TAF2: variants seen among roughly 807,000 people sequenced by gnomAD.
TAF2 encodes TATA-box binding protein associated factor 2, also known as transcription initiation factor TFIID subunit 2.
In TAF2, 61 loss-of-function variants were observed where a neutral mutation model predicts 138.5. That is an observed-to-expected ratio of 0.44 (90% CI 0.36 to 0.54). TAF2 has a LOEUF of 0.54. Ranked by LOEUF, TAF2 falls within the 20% of genes least tolerant of loss-of-function variation. The pLI is 0.00. For missense variants in TAF2, 1,090 were observed against 1,427.9 expected, an observed-to-expected ratio of 0.76 and a Z score of 3.81; for synonymous variants, 475 against 469.9, an observed-to-expected ratio of 1.01 and a Z score of -0.14.
intron 6 of TAF2, among the ~76,000 whole-genome samples, chr8:119,798,132 T>C (rs1256652856): frequency 1.3e-5 from 2 of 152,122 alleles, no homozygotes; most frequent in Admixed American, 6.5e-5. Context: ...TTTTTTCTCA[T>C]AGGTACACAT....
At chr8:119,773,083 G>C (rs1166369909) in intron 18 of TAF2, among the ~76,000 whole-genome samples, 1 of 127,836 alleles carries the variant, frequency 7.8e-6, no homozygotes, top group Non-Finnish European at 1.6e-5. Flanking sequence ...AAGCAAGCTT[G>C]GATTTTCTCA....
rs1027331982 is a variant in TAF2 at position 119,788,871 on chromosome 8, A to G, written c.1602T>C (p.Ser534=). The G allele has an allele frequency of 6.8e-6, 11 of 1,613,530 alleles. No homozygotes were observed. In the African/African-American group the frequency reaches 1.5e-4, roughly 22 times the overall value. ...CATTTCGTTTTCTATTAAATGCAAA[A>G]CTTCCATAAAATTTTACCACTCCAC... is the stretch of plus-strand genomic sequence containing the variant. ...DQSGVVKFYG[S]FAFNRKRNVL... The change falls in exon 13 of 26, where the codon AGT becomes AGC. Residue 534 remains serine, a synonymous_variant. Transcript: ENST00000378164.
intron 3 of TAF2, among the ~76,000 whole-genome samples, chr8:119,810,528 A>T (rs2131231546): frequency 6.6e-6 from 1 of 152,358 alleles, no homozygotes; most frequent in East Asian, 1.9e-4. Flanking sequence ...GACTAGAGTC[A>T]TATGGTAAAC....
chr8:119,786,981 G>C (rs774903191), intron 14 of TAF2, among the ~76,000 whole-genome samples: 1 of 152,136 alleles, frequency 6.6e-6, no homozygotes, highest in Non-Finnish European at 1.5e-5. Context: ...ATACCATTCA[G>C]GACAGAGGCA....
At chr8:119,746,526 G>A (rs1159187879) in intron 23 of TAF2, among the ~76,000 whole-genome samples, 179 bp downstream of exon 23, 10 of 152,126 alleles carry the variant, frequency 6.6e-5, no homozygotes, top group African/African-American at 2.2e-4. Flanking sequence ...CAGTTTTATA[G>A]TTGCCAGTAG....
intron 10 of TAF2, among the ~76,000 whole-genome samples, chr8:119,792,179 A>C (rs1436812236): frequency 1.4e-5 from 2 of 144,296 alleles, no homozygotes; most frequent in African/African-American, 5.1e-5. Context: ...TTTGAGATAG[A>C]GTCTCGCTCT....
intron 8 of TAF2, 103 bp downstream of exon 8, chr8:119,796,887 T>C: frequency 1.3e-6 from 1 of 797,760 alleles, no homozygotes; most frequent in Non-Finnish European, 2.2e-6. Flanking sequence ...GTCTCTTAAA[T>C]TAGCTATCTG....
chr8:119,740,524 G>T (rs1468699356), intron 25 of TAF2, among the ~76,000 whole-genome samples: 1 of 149,538 alleles, frequency 6.7e-6, no homozygotes, highest in Non-Finnish European at 1.5e-5. Context: ...AATTAGCCGG[G>T]TGTGGTGATG....
At chr8:119,774,681 T>C (rs781188007) in intron 18 of TAF2, among the ~76,000 whole-genome samples, 2 of 152,096 alleles carry the variant, frequency 1.3e-5, no homozygotes, top group Non-Finnish European at 2.9e-5. Flanking sequence ...AATCCCAATC[T>C]TGGATTTCTT....
At chr8:119,832,370 T>A in intron 1 of TAF2, 112 bp downstream of exon 1, 1 of 947,038 alleles carries the variant, frequency 1.1e-6, no homozygotes, top group South Asian at 1.4e-5. Context: ...GTGAGTAAAT[T>A]CTAGTTTCCC....
At chr8:119,829,985 G>A (rs769503452) in intron 2 of TAF2, among the ~76,000 whole-genome samples, 1 of 150,394 alleles carries the variant, frequency 6.6e-6, no homozygotes, top group Non-Finnish European at 1.5e-5. Flanking sequence ...CTGCAAGTTC[G>A]CCTCCCAGGT....
chr8:119,801,896 C>T lies in TAF2; in HGVS notation c.690G>A (p.Arg230=), dbSNP rs777889082. The T allele has an allele frequency of 6.2e-7, 1 of 1,614,128 alleles. No individual in the cohort carries two copies. The highest frequency in any genetic ancestry group is 8.5e-7 in the Non-Finnish European group (1 of 1,180,002). The change falls in exon 6 of 26, where the codon AGG becomes AGA. Residue 230 remains arginine (R), a synonymous_variant. Transcript: ENST00000378164. ...TAAGCATATAATGGAAAGTTTTCTT[C>T]CTCATATCATGAGTATACACTGTCT... ...LVETVYTHDM[R]KKTFHYMLTI...
At chr8:119,766,912 T>C (rs1275133231) in intron 18 of TAF2, 1 of 152,162 alleles carries the variant, frequency 6.6e-6, no homozygotes, top group African/African-American at 2.4e-5. Flanking sequence ...TGGAAAAGTA[T>C]ATAAATAGGG....
At chr8:119,809,998 T>TAAAAAAAAAAAAAAAAAAAA (rs56281726) in intron 3 of TAF2, among the ~76,000 whole-genome samples, 1 of 117,674 alleles carries the variant, frequency 8.5e-6, no homozygotes, top group African/African-American at 3.2e-5. Context: ...CTTCAATTTG[T>TAAAAAAAAAAAAAAAAAAAA]AAAAAAAAAA....
chr8:119,762,896 C>A, intron 18 of TAF2: 4 of 223,276 alleles, frequency 1.8e-5, no homozygotes, highest in Non-Finnish European at 3.5e-5. Context: ...GCCAGAGAAA[C>A]AGAAAAGAGA....
intron 7 of TAF2, among the ~76,000 whole-genome samples, chr8:119,797,404 G>A (rs1823904099): frequency 1.3e-5 from 2 of 151,956 alleles, no homozygotes; most frequent in Admixed American, 1.3e-4. Flanking sequence ...AAGAATTTAT[G>A]AACACAAGAC....
At chr8:119,815,429 C>T (rs1825392834) in intron 3 of TAF2, among the ~76,000 whole-genome samples, 1 of 151,656 alleles carries the variant, frequency 6.6e-6, no homozygotes, top group Admixed American at 6.6e-5. Context: ...CGCCTGCCAC[C>T]ACACCTGGCT....
At chr8:119,801,493 A>G (rs904918734) in intron 6 of TAF2, among the ~76,000 whole-genome samples, 17 of 151,120 alleles carry the variant, frequency 1.1e-4, no homozygotes, top group Non-Finnish European at 2.1e-4. Flanking sequence ...CAGTGGCACA[A>G]TCTCAGCTCA....
intron 3 of TAF2, among the ~76,000 whole-genome samples, chr8:119,811,093 G>A (rs1363206045): frequency 6.6e-6 from 1 of 152,102 alleles, no homozygotes; most frequent in Non-Finnish European, 1.5e-5. Context: ...AATATTTAAT[G>A]TCCTTGCCCT....
Sources: gnomAD v4.1 joint callset for allele counts (sites outside exome capture counted in the v4.1 genomes callset) on GRCh38, gnomAD v4.1.1 for gene constraint, MANE v1.5 for transcripts, NCBI Gene and HGNC (gene_info 2026-07-23, HGNC 2026-07-21) for gene names.